The following ARHGAP29 variants were observed in gnomAD, a reference collection of about 807,000 sequenced individuals.
The protein encoded by ARHGAP29 is rho GTPase-activating protein 29.
A neutral mutation model predicts 122.6 loss-of-function variants in ARHGAP29; 43 were observed. That is an observed-to-expected ratio of 0.35 (90% CI 0.27 to 0.45). The LOEUF (loss-of-function observed/expected upper bound fraction) is 0.45, where lower values mean the gene tolerates loss of function less well. Ranked by LOEUF, ARHGAP29 falls within the 20% of genes least tolerant of loss-of-function variation. ARHGAP29 has a pLI of 1.00. For synonymous variants in ARHGAP29, 506 were observed against 497.1 expected (o/e 1.02, Z -0.24); for missense variants, 1,303 against 1,477.2 (o/e 0.88, Z 1.93).
rs1049570378 is a variant in ARHGAP29, at chr1:94,171,384, T to A, written c.*2485A>T. ...TAAAACATGGCTAGGGAAGTTATGA[T>A]CAACCCTTCAGAAATGACTTCTTCT... On this transcript the variant is annotated 3_prime_UTR_variant, in exon 23 of 23. Coordinates refer to ENST00000260526, the MANE Select transcript of ARHGAP29 (RefSeq NM_004815.4). Among the ~76,000 whole-genome samples the A allele has an allele frequency of 3.3e-5, 5 of 152,214 alleles. No homozygotes were observed. The highest frequency in any genetic ancestry group is 1.2e-4 in the African/African-American group (5 of 41,460).
chr1:94,182,551 CAGAGACA>C (rs1649543895), intron 19 of ARHGAP29, among the ~76,000 whole-genome samples: 1 of 151,958 alleles, frequency 6.6e-6, no homozygotes, highest in Non-Finnish European at 1.5e-5. Context: ...CACAAGCTTT[CAGAGACA>C]AAATCATAGG....
chr1:94,185,223 T>A, intron 17 of ARHGAP29, 119 bp downstream of exon 17: 1 of 1,241,924 alleles, frequency 8.1e-7, no homozygotes. Flanking sequence ...ATAGAAGGTG[T>A]ACTGTAGTAC....
chr1:94,253,663 C>CGCAA (rs1654210812), intron 1 of ARHGAP29, among the ~76,000 whole-genome samples: 2 of 152,020 alleles, frequency 1.3e-5, no homozygotes, highest in Admixed American at 6.5e-5. Flanking sequence ...CACGCACGCA[C>CGCAA]GCACGCACAT....
intron 1 of ARHGAP29, among the ~76,000 whole-genome samples, chr1:94,246,433 T>C (rs1443463878): frequency 6.6e-6 from 1 of 152,126 alleles, no homozygotes; most frequent in Admixed American, 6.5e-5. Context: ...CAAAGATTAA[T>C]AAAGAAAAAG....
rs140877322 is a variant in ARHGAP29, at chr1:94,202,644, C to A, written c.1043G>T (p.Arg348Leu). ...TGAAGACAGATGCTCCTCTTCTGCA[C>A]GAAACATGGAAGACTTTGCTTTCTC... ...EYEKAKSSMFRAEEEHLSSSG... is the reference protein window; with the variant it reads ...EYEKAKSSMFLAEEEHLSSSG... The change falls in exon 11 of 23, where the codon CGT becomes CTT. Residue 348 changes from arginine (R) to leucine (L), a missense_variant. Physicochemically the swap from Arg to Leu is moderately radical, Grantham distance 102. This residue lies in a region of ARHGAP29 where 592 missense variants were observed against 648.2 expected (regional missense o/e 0.91). Transcript: ENST00000260526. The A allele has an allele frequency of 4.6e-5, 75 of 1,614,024 alleles. No homozygotes were observed. The highest frequency in any genetic ancestry group is 1.6e-4 in the Middle Eastern group (1 of 6,084).
chr1:94,289,283 C>G, the ARHGAP29 span, among the ~76,000 whole-genome samples: 1 of 152,140 alleles, frequency 6.6e-6, no homozygotes, highest in East Asian at 1.9e-4. Flanking sequence ...TGATTTGGCT[C>G]TCTGTTTGTC....
At chr1:94,290,720 T>C in the ARHGAP29 span, among the ~76,000 whole-genome samples, 3 of 152,320 alleles carry the variant, frequency 2.0e-5, no homozygotes, top group African/African-American at 7.2e-5. Context: ...AGTTTCCATG[T>C]AGTTGTGCAG....
chr1:94,179,999 T>G lies in ARHGAP29; in HGVS notation c.2248-42A>C, dbSNP rs764098334. The stretch of plus-strand genomic sequence containing the variant: ...ACATTGGGGTAAGCATTCTATTTTT[T>G]TCTGTTAATAATCAACTATTACTAA... On this transcript the variant is annotated intron_variant, in intron 19 of 22. Transcript: ENST00000260526. 1.2e-4 allele frequency: 174 copies of G among 1,397,564 alleles called. 2 individuals carry two copies. The East Asian group carries it at 3.6e-3, about 29-fold the overall frequency. 86.6% of individuals were successfully genotyped at this position (1,397,564 alleles called of 1,614,324 possible).
the ARHGAP29 span, among the ~76,000 whole-genome samples, chr1:94,293,850 A>G: frequency 6.6e-6 from 1 of 152,154 alleles, no homozygotes; most frequent in Non-Finnish European, 1.5e-5. Context: ...GCTTCATTAC[A>G]TAGGCATGAT....
the ARHGAP29 span, chr1:94,302,689 C>T: frequency 9.1e-6 from 4 of 441,032 alleles, no homozygotes; most frequent in African/African-American, 2.0e-5. Context: ...ATCCCCAAGC[C>T]GAACAGGAAG....
At chr1:94,302,130 C>T in the ARHGAP29 span, 2 of 275,546 alleles carry the variant, frequency 7.3e-6, no homozygotes, top group Non-Finnish European at 1.4e-5. Flanking sequence ...TGGATATCAT[C>T]ACCATCAATG....
the ARHGAP29 span, among the ~76,000 whole-genome samples, chr1:94,293,424 C>A: frequency 6.6e-6 from 1 of 152,210 alleles, no homozygotes; most frequent in African/African-American, 2.4e-5. Flanking sequence ...ATCCCCCGAC[C>A]CTTTGCACTT....
the ARHGAP29 span, among the ~76,000 whole-genome samples, chr1:94,295,635 G>A: frequency 1.3e-5 from 2 of 151,984 alleles, no homozygotes; most frequent in African/African-American, 4.8e-5. Context: ...ATGTTGATGC[G>A]ATGAATCCAT....
At chr1:94,265,269 G>A (rs1453131891) in intron 1 of ARHGAP29, among the ~76,000 whole-genome samples, 1 of 152,172 alleles carries the variant, frequency 6.6e-6, no homozygotes, top group Non-Finnish European at 1.5e-5. Flanking sequence ...TTCTGCCTTG[G>A]CATTGCTGAC....
chr1:94,178,204 C>T, intron 20 of ARHGAP29, 37 bp from the exon 21 acceptor site: 1 of 1,565,228 alleles, frequency 6.4e-7, no homozygotes, highest in Non-Finnish European at 8.7e-7. Flanking sequence ...ATGAGATTTT[C>T]CTATTAGAGT....
chr1:94,267,206 C>T (rs1007298309), intron 1 of ARHGAP29, among the ~76,000 whole-genome samples: 2 of 152,144 alleles, frequency 1.3e-5, no homozygotes, highest in Non-Finnish European at 2.9e-5. Flanking sequence ...AAACTGGGAC[C>T]TTATGGGGCC....
chr1:94,185,191 C>A, intron 17 of ARHGAP29, 131 bp from the exon 18 acceptor site: 3 of 1,205,674 alleles, frequency 2.5e-6, no homozygotes, highest in South Asian at 1.8e-5. Flanking sequence ...ACAGATTTAA[C>A]AACAAAATAA....
At chr1:94,294,889 G>A in the ARHGAP29 span, among the ~76,000 whole-genome samples, 2 of 152,214 alleles carry the variant, frequency 1.3e-5, no homozygotes, top group East Asian at 3.8e-4. Context: ...ATGCCCTTGA[G>A]GGCAAATAAG....
At chr1:94,281,541 A>G in the ARHGAP29 span, among the ~76,000 whole-genome samples, 1 of 152,190 alleles carries the variant, frequency 6.6e-6, no homozygotes, top group East Asian at 1.9e-4. Context: ...ATATCAAAGC[A>G]TTCGTCACTC....
Sources: gnomAD v4.1 joint callset for allele counts (sites outside exome capture counted in the v4.1 genomes callset) on GRCh38, gnomAD v4.1.1 for gene constraint, gnomAD v4.1.1 regional missense constraint, MANE v1.5 for transcripts, NCBI Gene and HGNC (gene_info 2026-07-23, HGNC 2026-07-21) for gene names.